Variants in DIP2C observed in about 807,000 individuals in gnomAD.
DIP2C encodes DIP2 acetate--CoA ligase C (putative).
A neutral mutation model predicts 192.4 loss-of-function variants in DIP2C; 33 were observed. The observed-to-expected ratio is 0.17, with a 90% CI of 0.13 to 0.23. The LOEUF (loss-of-function observed/expected upper bound fraction) is 0.23, where lower values mean the gene tolerates loss of function less well. Among genes scored for constraint, DIP2C ranks in the 10% least tolerant of loss-of-function variants. DIP2C has a pLI of 1.00. For synonymous variants in DIP2C, 979 were observed against 864.1 expected, an observed-to-expected ratio of 1.13 and a Z score of -2.33; for missense variants, 1,537 against 2,110.1, an observed-to-expected ratio of 0.73 and a Z score of 5.32.
chr10:552,866 A>C (rs1316849170), intron 1 of DIP2C, among the ~76,000 whole-genome samples: 1 of 152,090 alleles, frequency 6.6e-6, no homozygotes, highest in Non-Finnish European at 1.5e-5. Flanking sequence ...AGTGACGAAC[A>C]CCCCATGTCT....
intron 32 of DIP2C, among the ~76,000 whole-genome samples, chr10:303,730 T>C (rs187607751): frequency 8.5e-5 from 13 of 152,092 alleles, no homozygotes; most frequent in African/African-American, 2.4e-4. Context: ...TCCATGTTGG[T>C]CAGGCTGGTC....
intron 1 of DIP2C, among the ~76,000 whole-genome samples, chr10:556,636 T>C (rs180761072): frequency 1.3e-5 from 2 of 152,068 alleles, no homozygotes; most frequent in Admixed American, 1.3e-4. Flanking sequence ...CTCCACAATG[T>C]TGCCACCCTG....
At chr10:628,594 C>T (rs74115089) in intron 1 of DIP2C, 14,460 of 152,510 alleles carry the variant, frequency 0.095, 936 homozygotes, top group African/African-American at 0.18. Flanking sequence ...AGGCGGAAGG[C>T]GGGGACACGG....
At chr10:514,595 G>C (rs1312040733) in intron 1 of DIP2C, among the ~76,000 whole-genome samples, 1 of 152,204 alleles carries the variant, frequency 6.6e-6, no homozygotes, top group Non-Finnish European at 1.5e-5. Context: ...GCGGGTTCCA[G>C]GGCTGCCTTG....
intron 1 of DIP2C, among the ~76,000 whole-genome samples, chr10:616,350 T>A (rs1255200040): frequency 6.6e-6 from 1 of 152,240 alleles, no homozygotes; most frequent in Non-Finnish European, 1.5e-5. Flanking sequence ...ACCCATTTTG[T>A]AAACAAACCA....
rs564582221 is a variant in DIP2C at position 612,690 on chromosome 10, G to A, written c.85+76804C>T. Among the ~76,000 whole-genome samples, 29 of 152,274 alleles carry A rather than the reference G, an allele frequency of 1.9e-4. 1 individual carries two copies. The South Asian group carries it at 6.0e-3, about 32-fold the overall frequency. ...ACATCAGGTGGCATCTTTCACAGCCGTTTACTCCGCCGACTGTGTCTAGAG... is the reference window on the plus strand; with the variant it reads ...ACATCAGGTGGCATCTTTCACAGCCATTTACTCCGCCGACTGTGTCTAGAG... On this transcript the variant is annotated intron_variant, in intron 1 of 36. Coordinates refer to ENST00000280886, the MANE Select transcript of DIP2C (RefSeq NM_014974.3).
intron 1 of DIP2C, among the ~76,000 whole-genome samples, chr10:597,015 G>T (rs868073602): frequency 6.6e-6 from 1 of 152,258 alleles, no homozygotes; most frequent in African/African-American, 2.4e-5. Flanking sequence ...ATTTCTGTGT[G>T]AGATGTGTGT....
chr10:399,809 C>CAAGT (rs1363827540), intron 9 of DIP2C, among the ~76,000 whole-genome samples: 1 of 152,194 alleles, frequency 6.6e-6, no homozygotes, highest in Non-Finnish European at 1.5e-5. Context: ...GAGTAAAGCC[C>CAAGT]AAGTTACTGG....
chr10:648,255 G>C (rs1381490223), intron 1 of DIP2C, among the ~76,000 whole-genome samples: 1 of 151,462 alleles, frequency 6.6e-6, no homozygotes, highest in African/African-American at 2.4e-5. Context: ...ATTGGACGGT[G>C]GGCGAGAACA....
intron 1 of DIP2C, among the ~76,000 whole-genome samples, chr10:507,810 T>C (rs1375667213): frequency 1.3e-5 from 2 of 152,138 alleles, no homozygotes; most frequent in Admixed American, 6.5e-5. Context: ...CTGAGCACAA[T>C]CAGAGGCTGC....
intron 4 of DIP2C, among the ~76,000 whole-genome samples, chr10:426,902 C>T (rs756331459): frequency 4.6e-5 from 7 of 152,122 alleles, no homozygotes; most frequent in South Asian, 2.1e-4. Flanking sequence ...TAAAAATTAA[C>T]TCAAAATGGA....
intron 1 of DIP2C, among the ~76,000 whole-genome samples, chr10:679,795 T>G (rs1427724811): frequency 1.3e-5 from 2 of 152,160 alleles, no homozygotes; most frequent in Admixed American, 1.3e-4. Context: ...CTGCGTTCCC[T>G]GCGCCCATAT....
intron 1 of DIP2C, among the ~76,000 whole-genome samples, chr10:596,772 C>A (rs1242506462): frequency 6.6e-6 from 1 of 152,144 alleles, no homozygotes; most frequent in African/African-American, 2.4e-5. Flanking sequence ...AAATAAGGAG[C>A]CATTGGTGGC....
intron 1 of DIP2C, among the ~76,000 whole-genome samples, chr10:545,191 A>ATTTTTTT (rs1848222382): frequency 4.0e-5 from 1 of 24,744 alleles, no homozygotes; most frequent in African/African-American, 1.8e-4. Flanking sequence ...TTTTTTTTTG[A>ATTTTTTT]GTTTCACTCT....
intron 1 of DIP2C, among the ~76,000 whole-genome samples, chr10:570,370 G>A (rs747363504): frequency 2.8e-4 from 42 of 152,156 alleles, no homozygotes; most frequent in Non-Finnish European, 5.6e-4. Context: ...ACAAAGGCCT[G>A]GGCATGACCC....
chr10:283,456 G>A lies in DIP2C; in HGVS notation c.4120-10C>T. ...CACTGTGAACCCAAATCTGCAAACG[G>A]AGGGAAATGTCACTGTGGATGACAT... On this transcript the variant is annotated splice_polypyrimidine_tract_variant and intron_variant, in intron 34 of 36. Transcript: ENST00000280886. 1 of 1,613,580 alleles carries A rather than the reference G, an allele frequency of 6.2e-7. No homozygotes were observed. Among genetic ancestry groups the A allele is most frequent in the Non-Finnish European group, 8.5e-7 (1 of 1,179,580 alleles).
At position 356,441 on chromosome 10, in the gene DIP2C, C is replaced by G. The variant is rs140017969; in HGVS notation, c.2970G>C (p.Thr990=). 6.2e-6 allele frequency: 10 copies of G among 1,611,770 alleles called. 1 individual carries two copies. The African/African-American group carries it at 1.2e-4, about 19-fold the overall frequency. The change falls in exon 24 of 37, where the codon ACG becomes ACC. Residue 990 remains threonine (T), a synonymous_variant. Coordinates refer to ENST00000280886, the MANE Select transcript of DIP2C (RefSeq NM_014974.3). The stretch of plus-strand genomic sequence containing the variant: ...CGCGCCTCACCCGACAGTTGAGCAG[C>G]GTGTAGAGGATGTGGTCCGGGGTGG... The part of the protein sequence containing the change: ...AQTTPDHILY[T]LLNCRGAIAN...
At chr10:535,073 C>CT (rs1408061902) in intron 1 of DIP2C, among the ~76,000 whole-genome samples, 8 of 152,212 alleles carry the variant, frequency 5.3e-5, no homozygotes, top group South Asian at 2.1e-4. Flanking sequence ...ACTGACCCCT[C>CT]TCTCCCTGCA....
At chr10:360,365 T>TCAC (rs1959314725) in intron 22 of DIP2C, among the ~76,000 whole-genome samples, 1 of 152,188 alleles carries the variant, frequency 6.6e-6, no homozygotes, top group South Asian at 2.1e-4. Context: ...CCATTTAAGC[T>TCAC]ACAGAGTTGA....
Sources: gnomAD v4.1 joint callset for allele counts (sites outside exome capture counted in the v4.1 genomes callset) on GRCh38, gnomAD v4.1.1 for gene constraint, MANE v1.5 for transcripts, NCBI Gene and HGNC (gene_info 2026-07-23, HGNC 2026-07-21) for gene names.